CGNL1: variants seen among roughly 807,000 people sequenced by gnomAD.
CGNL1 encodes the protein cingulin like 1.
A neutral mutation model predicts 141.2 loss-of-function variants in CGNL1; 132 were observed. That is an observed-to-expected ratio of 0.93 (90% confidence interval 0.81 to 1.08). The LOEUF is 1.08. Ranked by LOEUF, CGNL1 falls within the 50% of genes least tolerant of loss-of-function variation. The pLI is 0.00. For synonymous variants in CGNL1, 690 were observed against 622.1 expected, an observed-to-expected ratio of 1.11 and a Z score of -1.63; for missense variants, 1,870 against 1,588.6, an observed-to-expected ratio of 1.18 and a Z score of -3.01.
intron 1 of CGNL1, among the ~76,000 whole-genome samples, chr15:57,416,179 C>T (rs895107382): frequency 1.7e-4 from 25 of 146,854 alleles, no homozygotes; most frequent in African/African-American, 6.0e-4. Flanking sequence ...CAGCCACCCT[C>T]TTTTCGATTT....
chr15:57,545,670 G>A lies in CGNL1; in HGVS notation c.3579G>A (p.Glu1193=), dbSNP rs1419863373. ...AGCTGGTGATGCAGGTGGATGATGA[G>A]CACCTGTCATTGACTGATCAGAAGG... ...VKELVMQVDD[E]HLSLTDQKDQ... The change falls in exon 17 of 19, where the codon GAG becomes GAA. Residue 1193 remains glutamate, a synonymous_variant. Coordinates refer to ENST00000281282, the MANE Select transcript of CGNL1 (RefSeq NM_032866.5). The A allele has an allele frequency of 3.7e-6, 6 of 1,613,216 alleles. No individual in the cohort carries two copies. Among genetic ancestry groups the A allele is most frequent in the African/African-American group, 2.7e-5 (2 of 74,938 alleles).
At chr15:57,432,010 C>G (rs1259025895) in intron 1 of CGNL1, among the ~76,000 whole-genome samples, 1 of 152,258 alleles carries the variant, frequency 6.6e-6, no homozygotes, top group Non-Finnish European at 1.5e-5. Context: ...CATCACCTCT[C>G]TACCCACTGT....
chr15:57,405,837 T>G (rs1383276009), intron 1 of CGNL1: 1 of 92,368 alleles, frequency 1.1e-5, no homozygotes, highest in African/African-American at 4.2e-5. Context: ...TTTTTCTTTC[T>G]TTTCTTTTTC....
chr15:57,516,803 G>A lies in CGNL1; in HGVS notation c.2427G>A (p.Arg809=). The change falls in exon 9 of 19, where the codon AGG becomes AGA. Residue 809 remains arginine (R), a synonymous_variant. Transcript: ENST00000281282. ...AGAATGTCGAGGTCTTGGCGAGCAG[G>A]AGCAACACTTCAGAGCAAGACCAGG... ...ATKNVEVLAS[R]SNTSEQDQAG... is the part of the protein sequence containing the mutation. 1 of 1,614,144 alleles carries A rather than the reference G, an allele frequency of 6.2e-7. No homozygotes were observed. Among genetic ancestry groups the A allele is most frequent in the South Asian group, 1.1e-5 (1 of 91,060 alleles).
intron 1 of CGNL1, among the ~76,000 whole-genome samples, chr15:57,420,104 T>C (rs1467866311): frequency 7.9e-5 from 12 of 152,222 alleles, no homozygotes; most frequent in African/African-American, 2.7e-4. Context: ...CTTTTTTAAG[T>C]ACTTGTTTAA....
chr15:57,439,665 C>T (rs1440932923), intron 2 of CGNL1, 64 bp downstream of exon 2: 26 of 1,479,668 alleles, frequency 1.8e-5, no homozygotes, highest in Non-Finnish European at 2.3e-5. Flanking sequence ...TAATGATGTA[C>T]TTATGCTGCA....
intron 1 of CGNL1, among the ~76,000 whole-genome samples, chr15:57,428,710 T>G (rs1237897306): frequency 6.6e-6 from 1 of 151,688 alleles, no homozygotes; most frequent in Non-Finnish European, 1.5e-5. Flanking sequence ...GAAAAAAAAA[T>G]GTCTAAAGTA....
At chr15:57,476,649 C>T (rs1316389018) in intron 8 of CGNL1, among the ~76,000 whole-genome samples, 4 of 152,084 alleles carry the variant, frequency 2.6e-5, no homozygotes, top group Admixed American at 2.0e-4. Context: ...GGTGACCACA[C>T]GTTAGAATTC....
chr15:57,427,429 G>A lies in CGNL1; in HGVS notation c.-15-10556G>A, dbSNP rs573499962. Among the ~76,000 whole-genome samples the A allele has an allele frequency of 1.4e-3, 209 of 152,276 alleles. 6 individuals are homozygous for A. The highest frequency in any genetic ancestry group is 4.9e-4 in the Non-Finnish European group (33 of 68,010). On this transcript the variant is annotated intron_variant, in intron 1 of 18. Transcript: ENST00000281282. ...ACCCGTGCAAACAACTGACTCATGC[G>A]TTTATGAGACTGGGTTGGTTTGTGA...
chr15:57,399,352 C>T (rs1348612990), intron 1 of CGNL1, among the ~76,000 whole-genome samples: 5 of 152,210 alleles, frequency 3.3e-5, no homozygotes, highest in African/African-American at 1.2e-4. Flanking sequence ...CATGATTCCA[C>T]TCTCTACTTC....
At chr15:57,529,098 G>C in intron 13 of CGNL1, 1 of 291,680 alleles carries the variant, frequency 3.4e-6, no homozygotes, top group Non-Finnish European at 6.4e-6. Flanking sequence ...AGGTGATTTT[G>C]CCTAAGGGCA....
At chr15:57,456,665 T>C (rs531657192) in intron 7 of CGNL1, among the ~76,000 whole-genome samples, 3 of 152,072 alleles carry the variant, frequency 2.0e-5, no homozygotes, top group Non-Finnish European at 2.9e-5. Context: ...AAAATGATTA[T>C]AGAACAGGTT....
chr15:57,408,523 G>T (rs1468041451), intron 1 of CGNL1, among the ~76,000 whole-genome samples: 2 of 151,998 alleles, frequency 1.3e-5, no homozygotes, highest in African/African-American at 4.8e-5. Context: ...ACTTTTCCGG[G>T]ATAATATAAT....
At chr15:57,476,550 C>G (rs1162990014) in intron 8 of CGNL1, among the ~76,000 whole-genome samples, 1 of 152,146 alleles carries the variant, frequency 6.6e-6, no homozygotes, top group Non-Finnish European at 1.5e-5. Flanking sequence ...CAGAAGAATT[C>G]AGTAGAAACC....
chr15:57,413,191 TTCTCTTTC>T (rs1387480449), intron 1 of CGNL1, among the ~76,000 whole-genome samples: 4 of 65,668 alleles, frequency 6.1e-5, no homozygotes, highest in African/African-American at 2.1e-4. Flanking sequence ...CTTTCTCTCT[TTCTCTTTC>T]TCTCTTTCTC....
chr15:57,518,576 T>C (rs968139101), intron 10 of CGNL1, 79 bp downstream of exon 10: 2 of 963,602 alleles, frequency 2.1e-6, no homozygotes, highest in South Asian at 2.9e-5. Context: ...GTGTGGAGAT[T>C]GTCCTTGGCC....
At chr15:57,446,726 G>A (rs1348168678) in intron 4 of CGNL1, among the ~76,000 whole-genome samples, 2 of 145,726 alleles carry the variant, frequency 1.4e-5, no homozygotes, top group African/African-American at 5.1e-5. Flanking sequence ...ATATCTGAGA[G>A]TATAATTTGT....
chr15:57,399,708 C>T (rs1286684284), intron 1 of CGNL1, among the ~76,000 whole-genome samples: 1 of 151,932 alleles, frequency 6.6e-6, no homozygotes, highest in African/African-American at 2.4e-5. Flanking sequence ...GGAATCTGTC[C>T]ATTGAGGATT....
chr15:57,466,561 T>C (rs1219897651), intron 8 of CGNL1, among the ~76,000 whole-genome samples: 1 of 152,196 alleles, frequency 6.6e-6, no homozygotes, highest in African/African-American at 2.4e-5. Context: ...TTGGCAATTT[T>C]GCTCCGGGTT....
Sources: gnomAD v4.1 joint callset for allele counts (sites outside exome capture counted in the v4.1 genomes callset) on GRCh38, gnomAD v4.1.1 for gene constraint, MANE v1.5 for transcripts, NCBI Gene and HGNC (gene_info 2026-07-23, HGNC 2026-07-21) for gene names.